Variants in ZNRF1 observed in about 807,000 individuals in gnomAD.
The protein encoded by ZNRF1 is E3 ubiquitin-protein ligase ZNRF1.
ZNRF1 carries 3 observed loss-of-function variants against 18.4 expected under a neutral mutation model. The observed-to-expected ratio is 0.16, with a 90% CI of 0.07 to 0.42. The LOEUF is 0.42. Among genes scored for constraint, ZNRF1 ranks in the 10% least tolerant of loss-of-function variants. The pLI is 0.99. For synonymous variants in ZNRF1, 157 were observed against 144.2 expected (o/e 1.09, Z -0.64); for missense variants, 310 against 329.8 (o/e 0.94, Z 0.47).
At chr16:75,092,689 G>T (rs752470445) in intron 1 of ZNRF1, among the ~76,000 whole-genome samples, 1 of 152,220 alleles carries the variant, frequency 6.6e-6, no homozygotes, top group Non-Finnish European at 1.5e-5. Context: ...TTCTGTATCA[G>T]TTGAAACTCT....
chr16:75,067,188 T>C (rs2035816430), intron 1 of ZNRF1, among the ~76,000 whole-genome samples: 1 of 152,200 alleles, frequency 6.6e-6, no homozygotes, highest in Admixed American at 6.5e-5. Context: ...GTTACTGCAC[T>C]AAGTATAGGT....
chr16:75,100,624 T>C (rs1567495602), intron 2 of ZNRF1, among the ~76,000 whole-genome samples: 1 of 152,208 alleles, frequency 6.6e-6, no homozygotes, highest in Non-Finnish European at 1.5e-5. Flanking sequence ...ACTAGTCCCT[T>C]GGGCTCACAG....
chr16:75,071,268 T>G (rs1011409274), intron 1 of ZNRF1, among the ~76,000 whole-genome samples: 2 of 152,108 alleles, frequency 1.3e-5, no homozygotes, highest in African/African-American at 4.8e-5. Flanking sequence ...CCTGGCTAAT[T>G]TTTGTATTTT....
intron 2 of ZNRF1, chr16:75,095,751 G>A (rs2036190273): frequency 6.6e-7 from 1 of 1,522,590 alleles, no homozygotes; most frequent in Non-Finnish European, 8.9e-7. Context: ...AACCGGGAAG[G>A]TGAGGCTGTC....
At chr16:75,069,704 G>T (rs1163199226) in intron 1 of ZNRF1, among the ~76,000 whole-genome samples, 1 of 152,200 alleles carries the variant, frequency 6.6e-6, no homozygotes, top group African/African-American at 2.4e-5. Flanking sequence ...GAGCCATTGT[G>T]CATGGCCTCA....
intron 1 of ZNRF1, among the ~76,000 whole-genome samples, chr16:75,058,559 A>G (rs1597885937): frequency 6.6e-6 from 1 of 152,230 alleles, no homozygotes; most frequent in Non-Finnish European, 1.5e-5. Context: ...TCTAGACCAG[A>G]AATGACTGCC....
At chr16:75,025,921 A>G (rs920039193) in intron 1 of ZNRF1, among the ~76,000 whole-genome samples, 1 of 152,220 alleles carries the variant, frequency 6.6e-6, no homozygotes, top group East Asian at 1.9e-4. Flanking sequence ...TGCAAGAGGC[A>G]GCTAGTCATG....
chr16:75,100,379 G>A (rs755525639), intron 2 of ZNRF1, among the ~76,000 whole-genome samples: 6 of 151,400 alleles, frequency 4.0e-5, no homozygotes, highest in Admixed American at 6.6e-5. Context: ...TCGCCCTCGC[G>A]CCCCCTTCCC....
intron 1 of ZNRF1, among the ~76,000 whole-genome samples, chr16:75,006,116 C>T (rs975964854): frequency 3.3e-5 from 5 of 151,992 alleles, no homozygotes; most frequent in Non-Finnish European, 5.9e-5. Context: ...GCTTGTTGAC[C>T]CATGCATGTA....
intron 1 of ZNRF1, among the ~76,000 whole-genome samples, chr16:75,081,231 G>A (rs1036536316): frequency 6.6e-6 from 1 of 152,182 alleles, no homozygotes; most frequent in Non-Finnish European, 1.5e-5. Context: ...ATCCAGGGAA[G>A]AAGCTGCAAA....
Position 74,999,818 on chromosome 16 carries a change from C to T in ZNRF1, c.147C>T (p.Arg49=). Residue 49 remains arginine (R), a synonymous_variant, in exon 1 of 5, where the codon CGC becomes CGT. Coordinates refer to ENST00000335325, the MANE Select transcript of ZNRF1 (RefSeq NM_032268.5). ...GCGGGGCCATGGGGCTGCGCAGCCGCTCGGTCAGCTCGGTGGCAGGCATGG... is the reference window on the plus strand; with the variant it reads ...GCGGGGCCATGGGGCTGCGCAGCCGTTCGGTCAGCTCGGTGGCAGGCATGG... ...TGGGAMGLRS[R]SVSSVAGMGM... is the part of the protein sequence containing the mutation. 7 of 1,448,672 alleles carry T rather than the reference C, an allele frequency of 4.8e-6. No homozygotes were observed. Among genetic ancestry groups the T allele is most frequent in the Non-Finnish European group, 6.3e-6 (7 of 1,105,960 alleles). 89.7% of individuals were successfully genotyped at this position (1,448,672 alleles called of 1,614,324 possible).
chr16:75,076,120 T>G (rs942080764), intron 1 of ZNRF1, among the ~76,000 whole-genome samples: 4 of 152,358 alleles, frequency 2.6e-5, no homozygotes, highest in African/African-American at 9.6e-5. Flanking sequence ...AGTTTTCTTC[T>G]TCCTTCAGAG....
At chr16:75,037,413 A>G (rs1476067722) in intron 1 of ZNRF1, among the ~76,000 whole-genome samples, 4 of 152,080 alleles carry the variant, frequency 2.6e-5, no homozygotes, top group Non-Finnish European at 5.9e-5. Context: ...CAGTGGCGCA[A>G]TCTAGTCTCT....
rs1225740672 is a variant in ZNRF1 at position 75,106,525 on chromosome 16, C to A, written c.670C>A (p.His224Asn). 6.2e-7 allele frequency: 1 copy of A among 1,614,004 alleles called. No individual in the cohort carries two copies. The highest frequency in any genetic ancestry group is 8.5e-7 in the Non-Finnish European group (1 of 1,180,034). The change falls in exon 4 of 5, where the codon CAC becomes AAC. Residue 224 changes from histidine to asparagine, a missense_variant. By Grantham distance (68) the His-to-Asn change is moderately conservative. Transcript: ENST00000335325. ...WFEVNRSCPEHPAD is the reference protein window; with the variant it reads ...WFEVNRSCPENPAD ...TGAAGTGAACAGATCTTGTCCGGAA[C>A]ACCCTGCGGACTGACCTGCGGGCTT...
intron 2 of ZNRF1, chr16:75,095,857 C>T: frequency 6.7e-6 from 7 of 1,037,392 alleles, no homozygotes; most frequent in East Asian, 2.8e-5. Context: ...TTGGTTTACC[C>T]CCCTACACCC....
At chr16:75,026,316 A>G (rs1366654988) in intron 1 of ZNRF1, among the ~76,000 whole-genome samples, 1 of 152,120 alleles carries the variant, frequency 6.6e-6, no homozygotes, top group Non-Finnish European at 1.5e-5. Flanking sequence ...GGGCAAGAGT[A>G]AAAGTACTGG....
chr16:75,051,829 A>G (rs531599776), intron 1 of ZNRF1, among the ~76,000 whole-genome samples: 2 of 152,228 alleles, frequency 1.3e-5, no homozygotes, highest in South Asian at 4.1e-4. Flanking sequence ...CTTTTTTTAA[A>G]CTATGTTTGT....
intron 1 of ZNRF1, among the ~76,000 whole-genome samples, chr16:75,071,955 T>G (rs1295536950): frequency 6.6e-6 from 1 of 152,088 alleles, no homozygotes; most frequent in Non-Finnish European, 1.5e-5. Flanking sequence ...TCTTTTATTT[T>G]TTATTATTTT....
chr16:75,050,131 C>G (rs1395142120), intron 1 of ZNRF1, among the ~76,000 whole-genome samples: 1 of 152,142 alleles, frequency 6.6e-6, no homozygotes, highest in Non-Finnish European at 1.5e-5. Flanking sequence ...CATAATTCTC[C>G]AAACTCTTGT....
Sources: allele counts gnomAD v4.1 joint callset (sites outside exome capture counted in the v4.1 genomes callset), GRCh38; gene constraint gnomAD v4.1.1; transcripts MANE v1.5; gene names NCBI Gene and HGNC (gene_info 2026-07-23, HGNC 2026-07-21).